The following MAMDC2 variants were observed in gnomAD, a reference collection of about 807,000 sequenced individuals.
MAMDC2 encodes the protein MAM domain containing 2.
MAMDC2 carries 57 observed loss-of-function variants against 89.8 expected under a neutral mutation model. The ratio of observed to expected loss-of-function variants is 0.63; its 90% CI spans 0.51 to 0.79. The LOEUF (loss-of-function observed/expected upper bound fraction) is 0.79. MAMDC2 is among the 30% of genes least tolerant of loss of function. The pLI, the probability that MAMDC2 is intolerant of heterozygous loss-of-function variation, is 0.00. For missense variants in MAMDC2, 800 were observed against 820.6 expected (o/e 0.97, Z 0.31); for synonymous variants, 313 against 293.4 (o/e 1.07, Z -0.68).
intron 2 of MAMDC2, among the ~76,000 whole-genome samples, chr9:70,095,798 T>C (rs1828015231): frequency 1.3e-5 from 2 of 152,128 alleles, no homozygotes; most frequent in South Asian, 4.1e-4. Flanking sequence ...AAATTGGGAT[T>C]TGTTGTTTTT....
intron 6 of MAMDC2, among the ~76,000 whole-genome samples, chr9:70,128,509 T>C (rs1405347786): frequency 6.6e-6 from 1 of 152,164 alleles, no homozygotes. Context: ...AGGTGAAAGG[T>C]ACTTTAAGAA....
intron 11 of MAMDC2, among the ~76,000 whole-genome samples, chr9:70,201,968 C>T (rs374182325): frequency 4.6e-4 from 69 of 150,554 alleles, no homozygotes; most frequent in African/African-American, 1.5e-3. Flanking sequence ...GTCTTGCTAG[C>T]GGTCTATCAA....
At chr9:70,172,664 G>A (rs1477750115) in intron 11 of MAMDC2, 1 of 152,656 alleles carries the variant, frequency 6.6e-6, no homozygotes, top group Non-Finnish European at 1.5e-5. Flanking sequence ...GGCCTCAATA[G>A]TGATGCACTC....
chr9:70,208,649 G>A (rs1207871437), intron 11 of MAMDC2, among the ~76,000 whole-genome samples: 2 of 151,972 alleles, frequency 1.3e-5, no homozygotes, highest in Admixed American at 6.6e-5. Context: ...TGACTGCCCT[G>A]GCCAGAACTT....
At chr9:70,050,238 G>A (rs1045062037) in intron 2 of MAMDC2, among the ~76,000 whole-genome samples, 1 of 151,716 alleles carries the variant, frequency 6.6e-6, no homozygotes, top group African/African-American at 2.4e-5. Flanking sequence ...GTGTAGAAAA[G>A]AGCCTGGCAC....
intron 8 of MAMDC2, among the ~76,000 whole-genome samples, chr9:70,143,058 G>A (rs897047125): frequency 2.6e-5 from 4 of 152,178 alleles, no homozygotes; most frequent in African/African-American, 9.7e-5. Context: ...TTGACCAAGA[G>A]AGGAGTAGGC....
At chr9:70,162,664 A>T (rs774258822) in intron 9 of MAMDC2, among the ~76,000 whole-genome samples, 1 of 151,694 alleles carries the variant, frequency 6.6e-6, no homozygotes, top group African/African-American at 2.4e-5. Context: ...CTAATTTTTT[A>T]TACTTTTAGT....
intron 11 of MAMDC2, among the ~76,000 whole-genome samples, chr9:70,210,448 T>C (rs1394235166): frequency 2.0e-5 from 3 of 152,222 alleles, no homozygotes; most frequent in African/African-American, 4.8e-5. Flanking sequence ...AAGACTAGGA[T>C]TGCAACCCCT....
intron 12 of MAMDC2, among the ~76,000 whole-genome samples, chr9:70,221,378 T>G (rs59751051): frequency 0.06 from 329 of 5,486 alleles, 29 homozygotes; most frequent in African/African-American, 0.13. Flanking sequence ...TATATATATA[T>G]ATAGAGAGAG....
chr9:70,218,104 C>T (rs2033483083), intron 11 of MAMDC2, among the ~76,000 whole-genome samples: 1 of 152,160 alleles, frequency 6.6e-6, no homozygotes, highest in Non-Finnish European at 1.5e-5. Flanking sequence ...TTAATTACCT[C>T]TTGTATATTA....
chr9:70,224,824 T>C (rs1007170407), intron 12 of MAMDC2, among the ~76,000 whole-genome samples: 2 of 152,212 alleles, frequency 1.3e-5, no homozygotes, highest in Admixed American at 1.3e-4. Context: ...TTAGCATTTT[T>C]ATTAAGAGTA....
At chr9:70,127,203 T>C (rs1376716131) in intron 6 of MAMDC2, among the ~76,000 whole-genome samples, 1 of 152,216 alleles carries the variant, frequency 6.6e-6, no homozygotes, top group South Asian at 2.1e-4. Flanking sequence ...TATCTCCGTA[T>C]TTACACACAA....
intron 5 of MAMDC2, among the ~76,000 whole-genome samples, chr9:70,113,407 A>G (rs1587482686): frequency 2.0e-5 from 3 of 152,192 alleles, no homozygotes; most frequent in South Asian, 4.1e-4. Flanking sequence ...TTGCATTTTC[A>G]TATTTCCATA....
intron 9 of MAMDC2, chr9:70,153,514 C>T (rs1473577047): frequency 2.0e-5 from 3 of 152,266 alleles, no homozygotes; most frequent in East Asian, 1.9e-4. Context: ...TAACAAAGAT[C>T]GTTCAGTGGT....
At position 70,222,652 on chromosome 9, in the gene MAMDC2, A is replaced by G. The variant is rs543283958; in HGVS notation, c.1912-3098A>G. Among the ~76,000 whole-genome samples, 5 of 152,188 alleles carry G rather than the reference A, an allele frequency of 3.3e-5. No individual in the cohort carries two copies. In the East Asian group the frequency reaches 7.7e-4, roughly 24 times the overall value. ...TTGATCAAAAGCACAAAATCATTCT[A>G]TTTCCTTTGGATTCCCTGATTACCC... is the stretch of plus-strand genomic sequence containing the variant. On this transcript the variant is annotated intron_variant, in intron 12 of 13. Coordinates refer to ENST00000377182, the MANE Select transcript of MAMDC2 (RefSeq NM_153267.5).
chr9:70,065,342 A>T (rs1326126475), intron 2 of MAMDC2, among the ~76,000 whole-genome samples: 2 of 152,142 alleles, frequency 1.3e-5, no homozygotes, highest in Admixed American at 1.3e-4. Flanking sequence ...CAGCTTAAGA[A>T]TCCCTCTTTC....
chr9:70,110,861 C>G (rs1001296415), intron 4 of MAMDC2, among the ~76,000 whole-genome samples: 2 of 152,076 alleles, frequency 1.3e-5, no homozygotes, highest in African/African-American at 4.8e-5. Flanking sequence ...TGGAAAAAGG[C>G]AGTAGAATTG....
chr9:70,048,069 C>G (rs2997658), intron 2 of MAMDC2, among the ~76,000 whole-genome samples: 79,280 of 152,102 alleles, frequency 0.52, 21,835 homozygotes, highest in Non-Finnish European at 0.61. Flanking sequence ...CCATACAGGG[C>G]ATCGGGCACT....
At chr9:70,044,412 G>A (rs756196235) in intron 1 of MAMDC2, among the ~76,000 whole-genome samples, 172 bp from the exon 2 acceptor site, 2 of 151,806 alleles carry the variant, frequency 1.3e-5, no homozygotes, top group Non-Finnish European at 2.9e-5. Context: ...GTGGGCGTGG[G>A]GTCGCTCAGT....
Sources: gnomAD v4.1 joint callset for allele counts (sites outside exome capture counted in the v4.1 genomes callset) on GRCh38, gnomAD v4.1.1 for gene constraint, MANE v1.5 for transcripts, NCBI Gene and HGNC (gene_info 2026-07-23, HGNC 2026-07-21) for gene names.